The following ATP10A variants were observed in gnomAD, a reference collection of about 807,000 sequenced individuals.
ATP10A encodes the protein phospholipid-transporting ATPase VA.
A neutral mutation model predicts 147.8 loss-of-function variants in ATP10A; 111 were observed. The ratio of observed to expected loss-of-function variants is 0.75; its 90% CI spans 0.64 to 0.88. The LOEUF (loss-of-function observed/expected upper bound fraction) is 0.88, where lower values mean the gene tolerates loss of function less well. Among genes scored for constraint, ATP10A ranks in the 40% least tolerant of loss-of-function variants. The probability of loss-of-function intolerance (pLI) is 0.00; values close to 1 mark genes in which losing one functional copy is unlikely to be tolerated. For synonymous variants in ATP10A, 875 were observed against 841.6 expected, an observed-to-expected ratio of 1.04 and a Z score of -0.69; for missense variants, 1,927 against 1,959.0, an observed-to-expected ratio of 0.98 and a Z score of 0.31.
Position 25,695,151 on chromosome 15 carries a change from A to T in ATP10A, c.2761-5T>A. 1 of 1,606,582 alleles carries T rather than the reference A, an allele frequency of 6.2e-7. No individual in the cohort carries two copies. Among genetic ancestry groups the T allele is most frequent in the Non-Finnish European group, 8.5e-7 (1 of 1,175,344 alleles). On this transcript the variant is annotated splice_region_variant and splice_polypyrimidine_tract_variant and intron_variant, in intron 13 of 20. Transcript: ENST00000555815. Reference sequence around the variant, plus strand: ...TAGCAGGGCTGCACACGCCTCCTGAAAGGGACATGAGAGGACAGCGCAGTT... The same window carrying T: ...TAGCAGGGCTGCACACGCCTCCTGATAGGGACATGAGAGGACAGCGCAGTT...
intron 2 of ATP10A, among the ~76,000 whole-genome samples, chr15:25,765,837 C>T (rs1229031192): frequency 6.6e-6 from 1 of 152,194 alleles, no homozygotes; most frequent in Non-Finnish European, 1.5e-5. Flanking sequence ...CTTTCAATGA[C>T]AGCAGCAGCA....
intron 1 of ATP10A, among the ~76,000 whole-genome samples, chr15:25,857,701 T>C (rs1056300501): frequency 3.3e-5 from 5 of 152,172 alleles, no homozygotes; most frequent in African/African-American, 1.2e-4. Context: ...TCTATGTATG[T>C]GAAATTTTCT....
chr15:25,755,115 TC>T (rs1239667401), intron 2 of ATP10A, among the ~76,000 whole-genome samples: 1 of 152,166 alleles, frequency 6.6e-6, no homozygotes, highest in African/African-American at 2.4e-5. Flanking sequence ...TTAAACAGTT[TC>T]CTTATAAGAA....
At chr15:25,832,156 G>A (rs1212583522) in intron 1 of ATP10A, among the ~76,000 whole-genome samples, 2 of 152,150 alleles carry the variant, frequency 1.3e-5, no homozygotes, top group South Asian at 2.1e-4. Flanking sequence ...AAGGACTGGC[G>A]GCCACCACAG....
intron 1 of ATP10A, among the ~76,000 whole-genome samples, chr15:25,806,327 C>CTTTTCTTTTTT (rs71127085): frequency 0.53 from 80,654 of 151,436 alleles, 22,884 homozygotes; most frequent in East Asian, 0.8. Flanking sequence ...CTTTTCTTTT[C>CTTTTCTTTTTT]TTTGAGATGG....
intron 1 of ATP10A, among the ~76,000 whole-genome samples, chr15:25,856,779 C>T (rs1193727816): frequency 3.3e-5 from 5 of 152,018 alleles, no homozygotes; most frequent in Non-Finnish European, 5.9e-5. Context: ...ACAACAACAA[C>T]AACAAAAATT....
At chr15:25,717,450 C>T (rs1215267047) in intron 8 of ATP10A, among the ~76,000 whole-genome samples, 1 of 152,170 alleles carries the variant, frequency 6.6e-6, no homozygotes, top group African/African-American at 2.4e-5. Flanking sequence ...AGTTTGAATA[C>T]TTTAAATACT....
chr15:25,796,794 C>A (rs1362835288), intron 1 of ATP10A, among the ~76,000 whole-genome samples: 12 of 152,202 alleles, frequency 7.9e-5, no homozygotes, highest in Non-Finnish European at 4.4e-5. Context: ...GTGGTGACAG[C>A]CGTAATTTGA....
chr15:25,702,112 C>T lies in ATP10A; in HGVS notation c.2576-12G>A, dbSNP rs1003407172. The T allele has an allele frequency of 6.2e-7, 1 of 1,606,534 alleles. No homozygotes were observed. Among genetic ancestry groups the T allele is most frequent in the East Asian group, 2.2e-5 (1 of 44,814 alleles). On this transcript the variant is annotated splice_polypyrimidine_tract_variant and intron_variant, in intron 12 of 20. Coordinates refer to ENST00000555815, the MANE Select transcript of ATP10A (RefSeq NM_024490.4). Reference sequence around the variant, plus strand: ...AATCCCAGTGGCACCTGGTCAAATGCACAGCAGTGTGAGCGAACCCGCTTC... The same window carrying T: ...AATCCCAGTGGCACCTGGTCAAATGTACAGCAGTGTGAGCGAACCCGCTTC...
At chr15:25,853,624 C>T (rs1893382828) in intron 1 of ATP10A, among the ~76,000 whole-genome samples, 1 of 151,964 alleles carries the variant, frequency 6.6e-6, no homozygotes, top group Admixed American at 6.6e-5. Flanking sequence ...AGGAAGTACT[C>T]CCCCCCAGAT....
intron 1 of ATP10A, among the ~76,000 whole-genome samples, chr15:25,843,532 A>T (rs981446306): frequency 1.3e-5 from 2 of 152,124 alleles, no homozygotes; most frequent in African/African-American, 4.8e-5. Flanking sequence ...GCAGGAATTC[A>T]TCATTTGCAT....
At chr15:25,811,678 G>C (rs1372351174) in intron 1 of ATP10A, among the ~76,000 whole-genome samples, 1 of 152,118 alleles carries the variant, frequency 6.6e-6, no homozygotes, top group Non-Finnish European at 1.5e-5. Context: ...TGAGATTGTG[G>C]GGAGAAAACG....
intron 12 of ATP10A, among the ~76,000 whole-genome samples, chr15:25,703,629 A>C (rs969014173): frequency 3.9e-5 from 6 of 152,210 alleles, no homozygotes; most frequent in Non-Finnish European, 8.8e-5. Flanking sequence ...GATGGCAGGC[A>C]TGGGGAGGGG....
intron 1 of ATP10A, chr15:25,841,666 A>T (rs1468513074): frequency 6.6e-6 from 1 of 151,702 alleles, no homozygotes; most frequent in Non-Finnish European, 1.5e-5. Flanking sequence ...ACTCACTATT[A>T]TGTTCATTTT....
At chr15:25,776,636 T>A (rs1223232936) in intron 2 of ATP10A, among the ~76,000 whole-genome samples, 1 of 152,168 alleles carries the variant, frequency 6.6e-6, no homozygotes, top group African/African-American at 2.4e-5. Flanking sequence ...AGATCTCTGT[T>A]TCTTTTGCCA....
intron 1 of ATP10A, among the ~76,000 whole-genome samples, chr15:25,791,339 T>C (rs1468671063): frequency 6.6e-6 from 1 of 152,112 alleles, no homozygotes; most frequent in Non-Finnish European, 1.5e-5. Context: ...ATGTTTCCCC[T>C]TCAATCTTTC....
chr15:25,864,989 A>G (rs2140935038), upstream of ATP10A: 1 of 150,528 alleles, frequency 6.6e-6, no homozygotes, highest in Middle Eastern at 3.4e-3. Context: ...TGCCAAAGTA[A>G]TTACCGCCTC....
chr15:25,755,772 T>A (rs1309023472), intron 2 of ATP10A, among the ~76,000 whole-genome samples: 2 of 152,140 alleles, frequency 1.3e-5, no homozygotes, highest in Non-Finnish European at 2.9e-5. Context: ...AAGTCAATAA[T>A]CTAATGAAGA....
intron 3 of ATP10A, among the ~76,000 whole-genome samples, chr15:25,734,376 C>A (rs4627308): frequency 6.6e-6 from 1 of 152,010 alleles, no homozygotes; most frequent in Admixed American, 6.6e-5. Context: ...GAGTTGGCAC[C>A]GTAAAATTAT....
Sources: gnomAD v4.1 joint callset for allele counts (sites outside exome capture counted in the v4.1 genomes callset) on GRCh38, gnomAD v4.1.1 for gene constraint, MANE v1.5 for transcripts, NCBI Gene and HGNC (gene_info 2026-07-23, HGNC 2026-07-21) for gene names.